TLK1: variants seen among roughly 807,000 people sequenced by gnomAD.
TLK1 encodes tousled like kinase 1.
A neutral mutation model predicts 105.3 loss-of-function variants in TLK1; 24 were observed. The observed-to-expected ratio is 0.23, with a 90% CI of 0.17 to 0.32. The LOEUF is 0.32. Among genes scored for constraint, TLK1 ranks in the 10% least tolerant of loss-of-function variants. TLK1 has a pLI of 1.00. For missense variants in TLK1, 558 were observed against 910.5 expected, an observed-to-expected ratio of 0.61 and a Z score of 4.98; for synonymous variants, 321 against 310.4, an observed-to-expected ratio of 1.03 and a Z score of -0.36.
chr2:171,111,160 A>G (rs955832791), intron 2 of TLK1, among the ~76,000 whole-genome samples: 1 of 152,252 alleles, frequency 6.6e-6, no homozygotes, highest in Non-Finnish European at 1.5e-5. Context: ...AAAGGAGAAT[A>G]TGAAGAAAGA....
intron 2 of TLK1, among the ~76,000 whole-genome samples, chr2:171,097,973 GGA>G (rs1558940387): frequency 6.6e-6 from 1 of 151,378 alleles, no homozygotes; most frequent in Non-Finnish European, 1.5e-5. Context: ...GGAGAGAGAG[GGA>G]GAGAGAAAGA....
intron 19 of TLK1, 120 bp downstream of exon 19, chr2:170,997,592 G>A (rs2105350577): frequency 1.9e-6 from 1 of 514,534 alleles, no homozygotes; most frequent in East Asian, 3.0e-5. Context: ...TAGAGGAGAA[G>A]CCTGGCTTTC....
intron 2 of TLK1, among the ~76,000 whole-genome samples, chr2:171,105,821 T>TA (rs1689900040): frequency 6.6e-6 from 1 of 151,968 alleles, no homozygotes; most frequent in Admixed American, 6.6e-5. Context: ...AAAAAAAAGA[T>TA]ACAACTACCA....
At chr2:171,191,357 C>A (rs774506194) in intron 1 of TLK1, among the ~76,000 whole-genome samples, 3 of 149,940 alleles carry the variant, frequency 2.0e-5, no homozygotes, top group Non-Finnish European at 4.4e-5. Flanking sequence ...TCACTTGAGG[C>A]CAAGAGTTCA....
chr2:171,115,657 T>C (rs1690391751), intron 2 of TLK1, among the ~76,000 whole-genome samples: 1 of 152,218 alleles, frequency 6.6e-6, no homozygotes, highest in Non-Finnish European at 1.5e-5. Context: ...AACAGTTGCA[T>C]GTCTAGACTC....
At chr2:171,065,834 G>GC (rs1480997989) in intron 3 of TLK1, among the ~76,000 whole-genome samples, 1 of 152,180 alleles carries the variant, frequency 6.6e-6, no homozygotes, top group Non-Finnish European at 1.5e-5. Context: ...ACTGCGCCCA[G>GC]CCCTCTCTGG....
At chr2:171,085,449 A>C (rs1478523030) in intron 2 of TLK1, among the ~76,000 whole-genome samples, 2 of 152,076 alleles carry the variant, frequency 1.3e-5, no homozygotes, top group African/African-American at 2.4e-5. Flanking sequence ...TCTTGTTGTC[A>C]GTTGTTGTTT....
At chr2:171,106,955 C>A (rs1689957138) in intron 2 of TLK1, among the ~76,000 whole-genome samples, 1 of 152,190 alleles carries the variant, frequency 6.6e-6, no homozygotes, top group Admixed American at 6.5e-5. Context: ...TAACTGTTTT[C>A]CTCCAGTCCA....
chr2:171,141,747 GAATA>G (rs1298057909), intron 1 of TLK1, among the ~76,000 whole-genome samples: 1 of 148,046 alleles, frequency 6.8e-6, no homozygotes. Flanking sequence ...ATCCCTTCAA[GAATA>G]AAAATGAAAA....
intron 14 of TLK1, among the ~76,000 whole-genome samples, chr2:171,008,003 A>T (rs1684724995): frequency 6.6e-6 from 1 of 152,150 alleles, no homozygotes; most frequent in African/African-American, 2.4e-5. Context: ...TTCCATTGTG[A>T]TTTACACACA....
chr2:171,064,579 G>T (rs1687904244), intron 3 of TLK1, among the ~76,000 whole-genome samples: 2 of 151,928 alleles, frequency 1.3e-5, no homozygotes, highest in African/African-American at 2.4e-5. Flanking sequence ...TTTTTTCTTA[G>T]CTATCCTACT....
chr2:171,110,633 A>G (rs1690121465), intron 2 of TLK1, among the ~76,000 whole-genome samples: 1 of 152,254 alleles, frequency 6.6e-6, no homozygotes, highest in Admixed American at 6.5e-5. Context: ...ACATATTGCA[A>G]TATGTATCCA....
intron 18 of TLK1, among the ~76,000 whole-genome samples, chr2:171,002,939 G>A (rs960217198): frequency 2.0e-5 from 3 of 151,626 alleles, no homozygotes; most frequent in African/African-American, 7.3e-5. Context: ...CACCGTGCAC[G>A]GCTTCCATTT....
intron 1 of TLK1, among the ~76,000 whole-genome samples, chr2:171,168,746 T>C (rs1692661300): frequency 1.3e-5 from 2 of 152,200 alleles, no homozygotes; most frequent in Middle Eastern, 3.4e-3. Context: ...CACAACAATA[T>C]AGTTACATTG....
chr2:171,174,747 G>T (rs959068284), intron 1 of TLK1, among the ~76,000 whole-genome samples: 1 of 152,130 alleles, frequency 6.6e-6, no homozygotes, highest in Admixed American at 6.5e-5. Context: ...AAGTAATGGT[G>T]ATTGTGTTCA....
intron 1 of TLK1, among the ~76,000 whole-genome samples, chr2:171,124,031 C>A (rs1690770008): frequency 1.3e-5 from 2 of 152,148 alleles, no homozygotes; most frequent in Admixed American, 1.3e-4. Flanking sequence ...TTAATTACTT[C>A]CAATTCAAGG....
At chr2:171,111,866 T>G (rs753748091) in intron 2 of TLK1, among the ~76,000 whole-genome samples, 7 of 152,240 alleles carry the variant, frequency 4.6e-5, no homozygotes, top group Non-Finnish European at 1.0e-4. Context: ...ATTCTTCCAG[T>G]TGGCACATTC....
chr2:171,187,757 A>G (rs369332301), intron 1 of TLK1, among the ~76,000 whole-genome samples: 2 of 152,330 alleles, frequency 1.3e-5, no homozygotes, highest in East Asian at 3.9e-4. Flanking sequence ...CACGAGAACA[A>G]GAACCTTGTT....
rs199944263 is a variant in TLK1, at chr2:171,071,294, CTTTTT to C, written c.331-10143_331-10139del. ...TTAATTTGATGTGATCCCATTTGTC[CTTTTT>C]TTTTTTGACATGGAGTCTCGCTCTG... On this transcript the variant is annotated intron_variant, in intron 3 of 20. Transcript: ENST00000431350. 1.3e-4 allele frequency among the ~76,000 whole-genome samples: 19 copies of C among 144,924 alleles called. No individual in the cohort carries two copies. In the East Asian group the frequency reaches 3.4e-3, roughly 26 times the overall value.
Sources: allele counts gnomAD v4.1 joint callset (sites outside exome capture counted in the v4.1 genomes callset), GRCh38; gene constraint gnomAD v4.1.1; transcripts MANE v1.5; gene names NCBI Gene and HGNC (gene_info 2026-07-23, HGNC 2026-07-21).